STXBP4: variants seen among roughly 807,000 people sequenced by gnomAD.
STXBP4 encodes syntaxin binding protein 4.
Under a neutral mutation model 76.1 loss-of-function variants are expected in STXBP4, and 55 were observed. The observed-to-expected ratio is 0.72, with a 90% confidence interval of 0.58 to 0.91. The LOEUF is 0.91. STXBP4 is among the 40% of genes least tolerant of loss of function. The pLI, the probability that STXBP4 is intolerant of heterozygous loss-of-function variation, is 0.00. For synonymous variants in STXBP4, 201 were observed against 220.2 expected (o/e 0.91, Z 0.77); for missense variants, 618 against 636.9 (o/e 0.97, Z 0.32).
intron 8 of STXBP4, among the ~76,000 whole-genome samples, chr17:55,019,046 G>T (rs2078258551): frequency 6.6e-6 from 1 of 152,108 alleles, no homozygotes; most frequent in Non-Finnish European, 1.5e-5. Context: ...ATAATTGTTG[G>T]ATTAGTTAAT....
At chr17:55,123,668 A>AG (rs2079872463) in intron 16 of STXBP4, among the ~76,000 whole-genome samples, 1 of 152,166 alleles carries the variant, frequency 6.6e-6, no homozygotes, top group Non-Finnish European at 1.5e-5. Flanking sequence ...TGGGAGGCTG[A>AG]GGCGGGCAGA....
At chr17:55,007,337 T>C (rs375176323) in intron 7 of STXBP4, among the ~76,000 whole-genome samples, 169 bp from the exon 8 acceptor site, 82 of 87,916 alleles carry the variant, frequency 9.3e-4, no homozygotes, top group South Asian at 2.1e-3. Flanking sequence ...CTGTCCCCCC[T>C]CCAAAAAAAA....
At chr17:55,019,171 A>G (rs1401437634) in intron 8 of STXBP4, among the ~76,000 whole-genome samples, 1 of 152,132 alleles carries the variant, frequency 6.6e-6, no homozygotes, top group Non-Finnish European at 1.5e-5. Context: ...AAGTATTTCT[A>G]CCATCTTATT....
At chr17:55,018,765 A>G (rs1161745976) in intron 8 of STXBP4, among the ~76,000 whole-genome samples, 1 of 152,342 alleles carries the variant, frequency 6.6e-6, no homozygotes, top group East Asian at 1.9e-4. Flanking sequence ...AATTACAAAG[A>G]AACTTCTTAA....
At chr17:55,043,857 T>G (rs2078745205) in intron 11 of STXBP4, 5 of 554,836 alleles carry the variant, frequency 9.0e-6, no homozygotes, top group Non-Finnish European at 1.2e-5. Flanking sequence ...TGTTTTTGTT[T>G]TGTGTTTTTG....
Position 54,974,655 on chromosome 17 carries a change from T to C in STXBP4, c.-157+5840T>C, listed in dbSNP as rs368240531. Among the ~76,000 whole-genome samples the C allele has an allele frequency of 6.6e-5, 10 of 152,336 alleles. No individual in the cohort carries two copies. The South Asian group carries it at 1.2e-3, about 19-fold the overall frequency. On this transcript the variant is annotated intron_variant, in intron 1 of 17. Coordinates refer to ENST00000376352, the MANE Select transcript of STXBP4 (RefSeq NM_178509.6). ...GATGTAGGACATGCAAGCCCCCAAA[T>C]TGGGGCTTAGCCCAGGAGGGTTCTT... is the stretch of plus-strand genomic sequence containing the variant.
chr17:55,038,549 G>T (rs1035220186), intron 10 of STXBP4, among the ~76,000 whole-genome samples: 2 of 152,002 alleles, frequency 1.3e-5, no homozygotes, highest in Admixed American at 6.6e-5. Context: ...GGGTTTGGAA[G>T]AATATGACAT....
intron 1 of STXBP4, 35 bp downstream of exon 1, chr17:54,968,850 C>A (rs1446434244): frequency 5.3e-5 from 30 of 568,288 alleles, no homozygotes; most frequent in Non-Finnish European, 8.8e-5. Context: ...CTGTTACTCC[C>A]ACTTCGCTTC....
At position 55,170,331 on chromosome 17, in the gene STXBP4, C is replaced by T. The variant is rs1274693222; in HGVS notation, c.*10420C>T. 2 of 151,734 alleles carry T rather than the reference C, an allele frequency of 1.3e-5. No individual in the cohort carries two copies. Among genetic ancestry groups the T allele is most frequent in the Non-Finnish European group, 2.9e-5 (2 of 67,946 alleles). 9.4% of individuals were successfully genotyped at this position (151,734 alleles called of 1,614,324 possible). ...AAATGTTTACTAATGTTTAATGATACCAAGAAAGTATCACAATAATAACAT... is the reference window on the plus strand; with the variant it reads ...AAATGTTTACTAATGTTTAATGATATCAAGAAAGTATCACAATAATAACAT... On this transcript the variant is annotated 3_prime_UTR_variant, in exon 18 of 18. Coordinates refer to ENST00000376352, the MANE Select transcript of STXBP4 (RefSeq NM_178509.6).
Position 55,012,180 on chromosome 17 carries a change from T to C in STXBP4, c.666+4583T>C, listed in dbSNP as rs117557873. On this transcript the variant is annotated intron_variant, in intron 8 of 17. Coordinates refer to ENST00000376352, the MANE Select transcript of STXBP4 (RefSeq NM_178509.6). ...GCAGGGGATTATTTCTTTGGCACAC[T>C]TCACAGTGCACCATTGGTTACCTTT... 8.8e-3 allele frequency among the ~76,000 whole-genome samples: 1,341 copies of C among 152,244 alleles called. 9 individuals are homozygous for C. Among genetic ancestry groups the C allele is most frequent in the Middle Eastern group, 0.048 (14 of 294 alleles).
chr17:55,080,301 G>A (rs1442033322), intron 15 of STXBP4, among the ~76,000 whole-genome samples: 3 of 152,016 alleles, frequency 2.0e-5, no homozygotes, highest in Non-Finnish European at 4.4e-5. Context: ...TCCTCTACAT[G>A]GATATTGGCC....
intron 5 of STXBP4, 63 bp from the exon 6 acceptor site, chr17:54,999,569 T>G (rs2144488176): frequency 4.0e-6 from 6 of 1,488,370 alleles, no homozygotes; most frequent in Non-Finnish European, 5.5e-6. Context: ...TGAAACATTA[T>G]CTTGGATTTC....
chr17:55,014,087 C>A (rs1461482626), intron 8 of STXBP4, among the ~76,000 whole-genome samples: 1 of 152,136 alleles, frequency 6.6e-6, no homozygotes, highest in Non-Finnish European at 1.5e-5. Context: ...TATTGCAGGG[C>A]TGTTGCATGG....
At position 55,034,272 on chromosome 17, in the gene STXBP4, C is replaced by A; in HGVS notation, c.855+13C>A. On this transcript the variant is annotated intron_variant, in intron 10 of 17. Coordinates refer to ENST00000376352, the MANE Select transcript of STXBP4 (RefSeq NM_178509.6). ...ATTAGATTCACAGGTAGAGTATGCC[C>A]TATAGAATTGCTTTGACATGTATAA... The A allele has an allele frequency of 6.3e-7, 1 of 1,583,300 alleles. No homozygotes were observed. The highest frequency in any genetic ancestry group is 1.2e-5 in the South Asian group (1 of 86,538).
intron 16 of STXBP4, among the ~76,000 whole-genome samples, chr17:55,081,716 C>T (rs888492968): frequency 1.3e-5 from 2 of 152,140 alleles, no homozygotes; most frequent in African/African-American, 4.8e-5. Flanking sequence ...GAACCAGTTC[C>T]CTAGTCTTCA....
Position 55,040,260 on chromosome 17 carries a change from A to G in STXBP4, c.856-2976A>G, listed in dbSNP as rs547911218. Among the ~76,000 whole-genome samples the G allele has an allele frequency of 2.9e-4, 44 of 152,308 alleles. 1 individual carries two copies. Among genetic ancestry groups the G allele is most frequent in the Middle Eastern group, 6.8e-3 (2 of 294 alleles). Reference sequence around the variant, plus strand: ...TAGCAGTTTTATTGGTGAAATTGAAAGTAATCATTTTAGAAATATGGGAGT... The same window carrying G: ...TAGCAGTTTTATTGGTGAAATTGAAGGTAATCATTTTAGAAATATGGGAGT... On this transcript the variant is annotated intron_variant, in intron 10 of 17. Transcript: ENST00000376352.
chr17:55,071,342 C>T (rs1275776573), intron 12 of STXBP4, among the ~76,000 whole-genome samples: 2 of 152,138 alleles, frequency 1.3e-5, no homozygotes, highest in South Asian at 2.1e-4. Flanking sequence ...ATTCTGCCCT[C>T]ATGTCTTACT....
At chr17:55,079,598 CA>C (rs5821084) in intron 15 of STXBP4, among the ~76,000 whole-genome samples, 87,636 of 114,350 alleles carry the variant, frequency 0.77, 32,047 homozygotes, top group East Asian at 0.88. Context: ...CCTATCTCTA[CA>C]AAAAAAAAAA....
intron 12 of STXBP4, among the ~76,000 whole-genome samples, chr17:55,064,371 C>T (rs2079025062): frequency 6.6e-6 from 1 of 152,016 alleles, no homozygotes; most frequent in Admixed American, 6.6e-5. Context: ...CCTCTTTCCT[C>T]CTCTCATATT....
Sources: allele counts gnomAD v4.1 joint callset (sites outside exome capture counted in the v4.1 genomes callset), GRCh38; gene constraint gnomAD v4.1.1; transcripts MANE v1.5; gene names NCBI Gene and HGNC (gene_info 2026-07-23, HGNC 2026-07-21).